The following THSD4 variants were observed in gnomAD, a reference collection of about 807,000 sequenced individuals.
THSD4 encodes thrombospondin type 1 domain containing 4.
Under a neutral mutation model 119.0 loss-of-function variants are expected in THSD4, and 69 were observed. The ratio of observed to expected loss-of-function variants is 0.58; its 90% CI spans 0.48 to 0.71. THSD4 has a LOEUF of 0.71. Among genes scored for constraint, THSD4 ranks in the 30% least tolerant of loss-of-function variants. The pLI is 0.00. For missense variants in THSD4, 1,393 were observed against 1,391.1 expected (o/e 1.00, Z -0.02); for synonymous variants, 524 against 540.4 (o/e 0.97, Z 0.42).
Position 71,371,191 on chromosome 15 carries a change from C to T in THSD4, c.1016-40496C>T, listed in dbSNP as rs559879617. Among the ~76,000 whole-genome samples the T allele has an allele frequency of 2.4e-4, 36 of 152,244 alleles. 1 individual carries two copies. The highest frequency in any genetic ancestry group is 1.0e-3 in the South Asian group (5 of 4,828). On this transcript the variant is annotated intron_variant, in intron 6 of 17. Coordinates refer to ENST00000261862, the MANE Select transcript of THSD4 (RefSeq NM_024817.3). ...GTGTGTCTTAGCACATGAGATGGGT[C>T]TCCTGAATACAGCACACTGATGGGT...
intron 4 of THSD4, among the ~76,000 whole-genome samples, chr15:71,231,597 G>A (rs2044062080): frequency 6.6e-6 from 1 of 152,106 alleles, no homozygotes. Context: ...CCATAAGCCT[G>A]TGGGGTCCTT....
intron 8 of THSD4, among the ~76,000 whole-genome samples, chr15:71,678,042 C>T (rs2051688730): frequency 6.6e-6 from 1 of 152,184 alleles, no homozygotes; most frequent in Non-Finnish European, 1.5e-5. Context: ...GTTAATCGCT[C>T]CCAGGTCTCC....
intron 6 of THSD4, among the ~76,000 whole-genome samples, chr15:71,387,652 T>G (rs937540625): frequency 2.0e-5 from 3 of 152,198 alleles, no homozygotes; most frequent in Non-Finnish European, 4.4e-5. Flanking sequence ...AGATACAACT[T>G]TCATCCCGAA....
In THSD4 at chr15:71,682,920, C is replaced by CTT. The variant is rs71154794; in HGVS notation, c.1357+22204_1357+22205dup. 7.5e-5 allele frequency among the ~76,000 whole-genome samples: 4 copies of CTT among 53,522 alleles called. 1 individual carries two copies. The highest frequency in any genetic ancestry group is 2.5e-4 in the African/African-American group (4 of 16,136). 35.1% of individuals were successfully genotyped at this position (53,522 alleles called of 152,430 possible). ...TCTTTCTTTCTTTCTTCTTCTTCTT[C>CTT]TTTTTTTTTTTTTTTTTTTGAGTCG... is the stretch of plus-strand genomic sequence containing the variant. On this transcript the variant is annotated intron_variant, in intron 8 of 17. Coordinates refer to ENST00000261862, the MANE Select transcript of THSD4 (RefSeq NM_024817.3).
intron 16 of THSD4, among the ~76,000 whole-genome samples, chr15:71,766,325 T>C (rs1396380726): frequency 6.6e-6 from 1 of 151,794 alleles, no homozygotes; most frequent in African/African-American, 2.4e-5. Flanking sequence ...GTTCTGTGGG[T>C]TGGGGTGGGA....
rs867883609 is a variant in THSD4 at position 71,263,348 on chromosome 15, C to T, written c.1015+6633C>T. On this transcript the variant is annotated intron_variant, in intron 6 of 17. Transcript: ENST00000261862. ...ATTCCATGGTATATATATATATATA[C>T]GACATTTTCTTTATCAAGTTTATCA... is the stretch of plus-strand genomic sequence containing the variant. Among the ~76,000 whole-genome samples the T allele has an allele frequency of 7.0e-3, 227 of 32,218 alleles. 2 individuals are homozygous for T. The highest frequency in any genetic ancestry group is 1.0e-2 in the African/African-American group (83 of 8,314). 21.1% of individuals were successfully genotyped at this position (32,218 alleles called of 152,430 possible). A position where few individuals can be genotyped will look rare whatever the true frequency, so the allele number is the denominator to read the frequency against.
intron 6 of THSD4, among the ~76,000 whole-genome samples, chr15:71,379,693 C>A (rs886671205): frequency 6.6e-6 from 1 of 151,612 alleles, no homozygotes; most frequent in African/African-American, 2.4e-5. Context: ...CTCCTGACCC[C>A]GTGATCCACC....
At chr15:71,361,717 T>C (rs10775203) in intron 6 of THSD4, among the ~76,000 whole-genome samples, 31,501 of 152,166 alleles carry the variant, frequency 0.21, 4,133 homozygotes, top group East Asian at 0.54. Context: ...TTGTTTGTCA[T>C]CACAAAAGAT....
Position 71,748,610 on chromosome 15 carries a change from G to A in THSD4, c.2415+16G>A. 2 of 1,613,552 alleles carry A rather than the reference G, an allele frequency of 1.2e-6. No individual in the cohort carries two copies. Among genetic ancestry groups the A allele is most frequent in the East Asian group, 4.5e-5 (2 of 44,846 alleles). On this transcript the variant is annotated intron_variant, in intron 14 of 17. Transcript: ENST00000261862. Reference sequence around the variant, plus strand: ...GAGCGAAAGGGTGAGTGTGATGGCGGGCAGAGCGCCGGGGACCGAGGTCTG... The same window carrying A: ...GAGCGAAAGGGTGAGTGTGATGGCGAGCAGAGCGCCGGGGACCGAGGTCTG...
At chr15:71,184,678 A>G (rs955624748) in intron 3 of THSD4, among the ~76,000 whole-genome samples, 1 of 151,668 alleles carries the variant, frequency 6.6e-6, no homozygotes, top group Non-Finnish European at 1.5e-5. Flanking sequence ...ATATCCTCCC[A>G]TCTGCTCACA....
At chr15:71,471,673 T>C (rs1256514141) in intron 7 of THSD4, among the ~76,000 whole-genome samples, 1 of 151,176 alleles carries the variant, frequency 6.6e-6, no homozygotes, top group African/African-American at 2.4e-5. Flanking sequence ...ATACTAGATA[T>C]GTAGCCTGAG....
At chr15:71,449,849 A>G (rs1057045556) in intron 7 of THSD4, among the ~76,000 whole-genome samples, 24 of 152,242 alleles carry the variant, frequency 1.6e-4, no homozygotes, top group African/African-American at 5.5e-4. Flanking sequence ...TCATCTTAAT[A>G]CCAATTGTTA....
intron 13 of THSD4, among the ~76,000 whole-genome samples, chr15:71,747,965 G>T (rs959988954): frequency 2.8e-4 from 42 of 152,290 alleles, no homozygotes; most frequent in African/African-American, 1.0e-3. Context: ...CTGCCATGGC[G>T]TTGGGTCCTG....
At chr15:71,197,976 C>G (rs1037889642) in intron 3 of THSD4, among the ~76,000 whole-genome samples, 6 of 152,132 alleles carry the variant, frequency 3.9e-5, no homozygotes, top group Non-Finnish European at 7.4e-5. Context: ...AGAATGCAGT[C>G]AGGCATGGTG....
At chr15:71,230,244 C>A (rs2044049536) in intron 4 of THSD4, among the ~76,000 whole-genome samples, 1 of 152,166 alleles carries the variant, frequency 6.6e-6, no homozygotes, top group Admixed American at 6.5e-5. Context: ...TGGAGGGCCA[C>A]ACAGGTTCAG....
chr15:71,434,347 C>T (rs1440779104), intron 7 of THSD4, among the ~76,000 whole-genome samples: 1 of 149,600 alleles, frequency 6.7e-6, no homozygotes, highest in East Asian at 2.0e-4. Context: ...AAGAGCAGAG[C>T]TTTAGACCTG....
At chr15:71,482,248 T>C (rs1000552583) in intron 7 of THSD4, among the ~76,000 whole-genome samples, 4 of 152,146 alleles carry the variant, frequency 2.6e-5, no homozygotes, top group Non-Finnish European at 5.9e-5. Context: ...CCAGCCATCA[T>C]ATTTGAGTTC....
chr15:71,305,222 A>T (rs1286716125), intron 6 of THSD4, among the ~76,000 whole-genome samples: 1 of 152,200 alleles, frequency 6.6e-6, no homozygotes, highest in Non-Finnish European at 1.5e-5. Flanking sequence ...CTTACCCAAC[A>T]CATCAAAGTA....
At chr15:71,759,698 A>G (rs1041745864) in intron 15 of THSD4, among the ~76,000 whole-genome samples, 8 of 152,358 alleles carry the variant, frequency 5.3e-5, no homozygotes, top group African/African-American at 1.9e-4. Context: ...CACACACGTG[A>G]AGATAAGCAG....
Sources: gnomAD v4.1 joint callset for allele counts (sites outside exome capture counted in the v4.1 genomes callset) on GRCh38, gnomAD v4.1.1 for gene constraint, MANE v1.5 for transcripts, NCBI Gene and HGNC (gene_info 2026-07-23, HGNC 2026-07-21) for gene names.